ANO1: variants seen among roughly 807,000 people sequenced by gnomAD.
The protein encoded by ANO1 is anoctamin 1, also known as anoctamin-1.
In ANO1, 59 loss-of-function variants were observed where a neutral mutation model predicts 124.0. The ratio of observed to expected loss-of-function variants is 0.48; its 90% CI spans 0.39 to 0.59. The LOEUF (loss-of-function observed/expected upper bound fraction) is 0.59, where lower values mean the gene tolerates loss of function less well. Among genes scored for constraint, ANO1 ranks in the 20% least tolerant of loss-of-function variants. ANO1 has a pLI of 0.00. For synonymous variants in ANO1, 529 were observed against 532.0 expected (o/e 0.99, Z 0.08); for missense variants, 1,059 against 1,328.0 (o/e 0.80, Z 3.15).
At chr11:70,054,078 C>T (rs1055822481) in intron 1 of ANO1, among the ~76,000 whole-genome samples, 48 of 152,206 alleles carry the variant, frequency 3.2e-4, no homozygotes, top group African/African-American at 1.1e-3. Flanking sequence ...CTATTTCATA[C>T]TCTGTCTCCA....
chr11:70,066,342 G>A (rs187765344), intron 1 of ANO1, among the ~76,000 whole-genome samples: 170 of 152,172 alleles, frequency 1.1e-3, no homozygotes, highest in Non-Finnish European at 1.9e-3. Context: ...GGTGTTTGGG[G>A]CCCACTCTTA....
the ANO1 span, among the ~76,000 whole-genome samples, chr11:69,979,173 C>T: frequency 1.3e-5 from 2 of 152,162 alleles, no homozygotes; most frequent in Non-Finnish European, 2.9e-5. Flanking sequence ...GCCAAGGGTC[C>T]GGAGACAGAT....
intron 1 of ANO1, among the ~76,000 whole-genome samples, chr11:70,024,641 AACTCGGGCTCAGAGACCTTGATTTTG>A (rs368156476): frequency 7.9e-5 from 12 of 152,276 alleles, no homozygotes; most frequent in African/African-American, 2.9e-4. Context: ...CAGATGGGGA[AACTCGGGCTCAGAGACCTTGATTTTG>A]ACTCGGGCTC....
chr11:69,972,768 T>C, the ANO1 span, among the ~76,000 whole-genome samples: 1 of 152,200 alleles, frequency 6.6e-6, no homozygotes, highest in Non-Finnish European at 1.5e-5. Context: ...TCAGGGCCTC[T>C]GCGTGGTCGA....
chr11:70,111,907 T>G lies in ANO1; in HGVS notation c.855+145T>G. 2.4e-6 allele frequency: 2 copies of G among 822,618 alleles called. 1 individual carries two copies. The highest frequency in any genetic ancestry group is 3.3e-5 in the South Asian group (2 of 60,484). 51.0% of individuals were successfully genotyped at this position (822,618 alleles called of 1,614,324 possible). On this transcript the variant is annotated intron_variant, in intron 7 of 25. Coordinates refer to ENST00000355303, the MANE Select transcript of ANO1 (RefSeq NM_018043.7). Reference sequence around the variant, plus strand: ...TGTAAATGTCAACTGTACACAGGCCTTCCCTGTTCCCCGGGTGGGGGCCAA... The same window carrying G: ...TGTAAATGTCAACTGTACACAGGCCGTCCCTGTTCCCCGGGTGGGGGCCAA...
chr11:69,966,223 G>A, the ANO1 span, among the ~76,000 whole-genome samples: 1 of 152,236 alleles, frequency 6.6e-6, no homozygotes, highest in Admixed American at 6.5e-5. Flanking sequence ...ATACCCTGGA[G>A]GGAGAGAGGA....
At chr11:70,149,638 A>G in intron 11 of ANO1, 72 bp from the exon 12 acceptor site, 1 of 1,492,328 alleles carries the variant, frequency 6.7e-7, no homozygotes, top group Non-Finnish European at 9.1e-7. Flanking sequence ...CAACAAGAGC[A>G]AAACTCTGTC....
chr11:69,972,893 TC>T, the ANO1 span, among the ~76,000 whole-genome samples: 1 of 149,764 alleles, frequency 6.7e-6, no homozygotes, highest in South Asian at 2.1e-4. Flanking sequence ...CATTTTTTTT[TC>T]TTTTTACTTT....
chr11:70,133,796 C>T (rs1298574875), intron 11 of ANO1, among the ~76,000 whole-genome samples: 2 of 152,172 alleles, frequency 1.3e-5, no homozygotes, highest in East Asian at 1.9e-4. Flanking sequence ...GTGTGGTTTG[C>T]GGGTGGGTGT....
intron 1 of ANO1, among the ~76,000 whole-genome samples, chr11:70,031,283 C>G (rs1420096543): frequency 6.6e-6 from 1 of 152,190 alleles, no homozygotes; most frequent in Non-Finnish European, 1.5e-5. Flanking sequence ...AACATGGTAT[C>G]ATCAAATCAA....
At chr11:70,155,428 T>C (rs7125020) in intron 14 of ANO1, among the ~76,000 whole-genome samples, 104,650 of 152,174 alleles carry the variant, frequency 0.69, 36,133 homozygotes, top group East Asian at 0.77. Flanking sequence ...TTTCCTCCTC[T>C]GTTTCATTTG....
At chr11:70,060,110 A>G (rs1857540388) in intron 1 of ANO1, among the ~76,000 whole-genome samples, 1 of 152,122 alleles carries the variant, frequency 6.6e-6, no homozygotes, top group Admixed American at 6.5e-5. Flanking sequence ...GGCATTGACA[A>G]TGAAAGAGCC....
intron 1 of ANO1, among the ~76,000 whole-genome samples, chr11:70,065,736 C>T (rs1394075472): frequency 6.6e-6 from 1 of 152,162 alleles, no homozygotes; most frequent in Admixed American, 6.5e-5. Flanking sequence ...CAGTTCTTGT[C>T]CCCAGCACAC....
intron 8 of ANO1, among the ~76,000 whole-genome samples, chr11:70,119,066 G>A (rs111211129): frequency 1.6e-4 from 23 of 147,392 alleles, no homozygotes; most frequent in Admixed American, 1.0e-3. Flanking sequence ...GTGGGTGAGC[G>A]GGTAGGTGAA....
At chr11:70,165,192 C>A (rs948322783) in intron 19 of ANO1, among the ~76,000 whole-genome samples, 1 of 152,158 alleles carries the variant, frequency 6.6e-6, no homozygotes, top group African/African-American at 2.4e-5. Context: ...CTGCCTCTTC[C>A]CTCTGTGCCC....
intron 1 of ANO1, among the ~76,000 whole-genome samples, chr11:70,026,867 C>G (rs1377984370): frequency 6.6e-6 from 1 of 152,222 alleles, no homozygotes; most frequent in Non-Finnish European, 1.5e-5. Flanking sequence ...CACTCACCAC[C>G]ACCCACACTG....
At chr11:69,970,965 C>T in the ANO1 span, among the ~76,000 whole-genome samples, 1 of 152,204 alleles carries the variant, frequency 6.6e-6, no homozygotes, top group Non-Finnish European at 1.5e-5. Context: ...GAAGCTGCCC[C>T]CTGGCCTGAA....
chr11:70,144,234 G>A lies in ANO1; in HGVS notation c.1259-5476G>A, dbSNP rs778450621. Reference sequence around the variant, plus strand: ...TGTGCTGAGCCTCTCAAGGGGACACGTGGAGATCCCTGCGACCGAGCTGGG... The same window carrying A: ...TGTGCTGAGCCTCTCAAGGGGACACATGGAGATCCCTGCGACCGAGCTGGG... On this transcript the variant is annotated intron_variant, in intron 11 of 25. Coordinates refer to ENST00000355303, the MANE Select transcript of ANO1 (RefSeq NM_018043.7). Among the ~76,000 whole-genome samples, 6 of 152,362 alleles carry A rather than the reference G, an allele frequency of 3.9e-5. No homozygotes were observed. The South Asian group carries it at 1.0e-3, about 26-fold the overall frequency.
At chr11:70,040,597 C>T (rs1857167895) in intron 1 of ANO1, among the ~76,000 whole-genome samples, 2 of 152,140 alleles carry the variant, frequency 1.3e-5, no homozygotes, top group Admixed American at 1.3e-4. Flanking sequence ...ATCGCTTGAG[C>T]CTGGGAGGCG....
Sources: gnomAD v4.1 joint callset for allele counts (sites outside exome capture counted in the v4.1 genomes callset) on GRCh38, gnomAD v4.1.1 for gene constraint, MANE v1.5 for transcripts, NCBI Gene and HGNC (gene_info 2026-07-23, HGNC 2026-07-21) for gene names.